LGMN: variants seen among roughly 807,000 people sequenced by gnomAD.
LGMN encodes asparaginyl endopeptidase.
In LGMN, 36 loss-of-function variants were observed where a neutral mutation model predicts 56.8. The observed-to-expected ratio is 0.63, with a 90% CI of 0.49 to 0.84. The LOEUF (loss-of-function observed/expected upper bound fraction) is 0.84. LGMN is among the 40% of genes least tolerant of loss of function. The pLI, the probability that LGMN is intolerant of heterozygous loss-of-function variation, is 0.00. For synonymous variants in LGMN, 199 were observed against 210.1 expected (o/e 0.95, Z 0.46); for missense variants, 446 against 556.1 (o/e 0.80, Z 1.99).
At chr14:92,716,971 A>G (rs527620953) in intron 4 of LGMN, among the ~76,000 whole-genome samples, 1 of 152,296 alleles carries the variant, frequency 6.6e-6, no homozygotes, top group African/African-American at 2.4e-5. Flanking sequence ...AATAAACTAT[A>G]TAACAATAAT....
At chr14:92,740,683 T>G (rs1434005697) in intron 1 of LGMN, among the ~76,000 whole-genome samples, 1 of 152,204 alleles carries the variant, frequency 6.6e-6, no homozygotes, top group African/African-American at 2.4e-5. Flanking sequence ...CGTGCCCTAC[T>G]ATTTTAAGGC....
chr14:92,733,922 G>A (rs933689201), intron 1 of LGMN: 2 of 152,200 alleles, frequency 1.3e-5, no homozygotes, highest in Admixed American at 6.5e-5. Context: ...AGTAGTTATT[G>A]GTAGGTGGTT....
chr14:92,748,526 C>CGGCGGT lies in LGMN; in HGVS notation c.-73_-68dup, dbSNP rs1360833270. 7.0e-5 allele frequency: 11 copies of CGGCGGT among 156,766 alleles called. No homozygotes were observed. In the East Asian group the frequency reaches 1.9e-3, roughly 27 times the overall value. 9.7% of individuals were successfully genotyped at this position (156,766 alleles called of 1,614,324 possible). On this transcript the variant is annotated 5_prime_UTR_variant, in exon 1 of 14. Coordinates refer to ENST00000334869, the MANE Select transcript of LGMN (RefSeq NM_005606.7). ...ACCGTGGTGGCAGTGGTGGCGGCGG[C>CGGCGGT]GGCGGTGAGTGACCGCGGTGGTGGC... is the stretch of plus-strand genomic sequence containing the variant.
intron 2 of LGMN, among the ~76,000 whole-genome samples, chr14:92,727,778 C>G (rs917060278): frequency 6.6e-6 from 1 of 152,286 alleles, no homozygotes; most frequent in Non-Finnish European, 1.5e-5. Flanking sequence ...AGAGACTGCT[C>G]TTTCTCAGCC....
chr14:92,733,346 C>T (rs1891149280), intron 1 of LGMN, among the ~76,000 whole-genome samples: 1 of 152,086 alleles, frequency 6.6e-6, no homozygotes, highest in African/African-American at 2.4e-5. Context: ...CACTACAAGT[C>T]CAAGTCATGC....
In LGMN at chr14:92,732,759, T is replaced by C. The variant is rs1595558211; in HGVS notation, c.28A>G (p.Ser10Gly). MVWKVAVFL[S>G]VALGIGAVPI... Reference sequence around the variant, plus strand: ...ACGGCACCAATGCCCAGGGCCACACTGAGGAATACAGCTACTTTCCAAACC... The same window carrying C: ...ACGGCACCAATGCCCAGGGCCACACCGAGGAATACAGCTACTTTCCAAACC... Residue 10 changes from serine (S) to glycine (G), a missense_variant, in exon 2 of 14, where the codon AGT becomes GGT. Coordinates refer to ENST00000334869, the MANE Select transcript of LGMN (RefSeq NM_005606.7). 1 of 1,613,992 alleles carries C rather than the reference T, an allele frequency of 6.2e-7. No homozygotes were observed. The highest frequency in any genetic ancestry group is 1.3e-5 in the African/African-American group (1 of 74,928).
intron 11 of LGMN, among the ~76,000 whole-genome samples, 200 bp from the exon 12 acceptor site, chr14:92,706,853 C>T (rs1889459210): frequency 6.6e-6 from 1 of 152,096 alleles, no homozygotes; most frequent in Non-Finnish European, 1.5e-5. Context: ...GAAAGACCTG[C>T]CTTTTGGGGA....
chr14:92,727,896 G>A (rs1480641824), intron 2 of LGMN, among the ~76,000 whole-genome samples: 1 of 152,138 alleles, frequency 6.6e-6, no homozygotes, highest in Non-Finnish European at 1.5e-5. Context: ...TGCAAACCAT[G>A]GGCCTCAAGT....
intron 11 of LGMN, among the ~76,000 whole-genome samples, chr14:92,708,790 G>A (rs1439338383): frequency 2.7e-5 from 4 of 145,762 alleles, no homozygotes; most frequent in Non-Finnish European, 6.0e-5. Context: ...CCAGGAGGCG[G>A]AGGTTGCAGT....
At chr14:92,734,068 G>A (rs1024849447) in intron 1 of LGMN, among the ~76,000 whole-genome samples, 6 of 152,206 alleles carry the variant, frequency 3.9e-5, no homozygotes, top group African/African-American at 1.4e-4. Flanking sequence ...TTTATAAGGT[G>A]AACTATCTGG....
At chr14:92,739,220 G>GT (rs1328979524) in intron 1 of LGMN, among the ~76,000 whole-genome samples, 1 of 152,020 alleles carries the variant, frequency 6.6e-6, no homozygotes, top group Non-Finnish European at 1.5e-5. Context: ...CAAAGTCAAG[G>GT]TATCAAAACA....
At chr14:92,706,414 T>G (rs1471786587) in intron 12 of LGMN, 69 bp downstream of exon 12, 9 of 1,314,864 alleles carry the variant, frequency 6.8e-6, no homozygotes, top group Non-Finnish European at 6.1e-6. Flanking sequence ...GTACAACCAA[T>G]GTGACTGCCA....
rs1826140423 is a variant in LGMN, at chr14:92,714,589, G to A, written c.405-138C>T. 1 of 631,232 alleles carries A rather than the reference G, an allele frequency of 1.6e-6. No homozygotes were observed. Among genetic ancestry groups the A allele is most frequent in the Middle Eastern group, 3.9e-4 (1 of 2,592 alleles). 39.1% of individuals were successfully genotyped at this position (631,232 alleles called of 1,614,324 possible). A position where few individuals can be genotyped will look rare whatever the true frequency, so the allele number is the denominator to read the frequency against. ...ACCAGGTTTGAAGATGAACACAAGG[G>A]CCCGGTGCCCGGTGTCTGGCCTGTC... is the stretch of plus-strand genomic sequence containing the variant. On this transcript the variant is annotated intron_variant, in intron 5 of 13. Coordinates refer to ENST00000334869, the MANE Select transcript of LGMN (RefSeq NM_005606.7). This position sits in a 1 kb window ranked among gnomAD's most constrained non-coding sequence, Gnocchi z 5.1.
chr14:92,731,860 G>A (rs1485833309), intron 2 of LGMN, among the ~76,000 whole-genome samples: 1 of 152,158 alleles, frequency 6.6e-6, no homozygotes, highest in Non-Finnish European at 1.5e-5. Context: ...TTTAAATTTT[G>A]AGGAACTGCC....
chr14:92,719,176 A>ACCG (rs1217783363), intron 2 of LGMN, among the ~76,000 whole-genome samples: 1 of 104,168 alleles, frequency 9.6e-6, no homozygotes, highest in African/African-American at 4.6e-5. Flanking sequence ...CACCACCACC[A>ACCG]CCACCATCAC....
rs548811664 is a variant in LGMN, at chr14:92,720,715, C to A, written c.139-1871G>T. ...TTGTGGTAGGCAAAATAACAGCCCCCCAAAGGATGTCCACATCCTAATCCC... is the reference window on the plus strand; with the variant it reads ...TTGTGGTAGGCAAAATAACAGCCCCACAAAGGATGTCCACATCCTAATCCC... On this transcript the variant is annotated intron_variant, in intron 2 of 13. Coordinates refer to ENST00000334869, the MANE Select transcript of LGMN (RefSeq NM_005606.7). Among the ~76,000 whole-genome samples, 4 of 152,234 alleles carry A rather than the reference C, an allele frequency of 2.6e-5. No homozygotes were observed. In the East Asian group the frequency reaches 7.7e-4, roughly 29 times the overall value.
intron 7 of LGMN, 122 bp from the exon 8 acceptor site, chr14:92,712,993 G>A: frequency 1.3e-6 from 1 of 792,432 alleles, no homozygotes; most frequent in East Asian, 2.7e-5. Context: ...TGCTTCTGGA[G>A]ACATTACTGC....
intron 11 of LGMN, 40 bp from the exon 12 acceptor site, chr14:92,706,693 A>T (rs555891086): frequency 1.6e-5 from 25 of 1,517,008 alleles, no homozygotes; most frequent in Non-Finnish European, 2.1e-5. Flanking sequence ...GCCTCCCTGA[A>T]TGCGGTCTCT....
At chr14:92,746,899 G>GCC (rs1891843688) in intron 1 of LGMN, among the ~76,000 whole-genome samples, 1 of 152,168 alleles carries the variant, frequency 6.6e-6, no homozygotes, top group African/African-American at 2.4e-5. Flanking sequence ...AGCCGGGCGT[G>GCC]GTGGCGGGCG....
Sources: gnomAD v4.1 joint callset for allele counts (sites outside exome capture counted in the v4.1 genomes callset) on GRCh38, gnomAD v4.1.1 for gene constraint, Gnocchi (gnomAD v3.1) non-coding constraint, MANE v1.5 for transcripts, NCBI Gene and HGNC (gene_info 2026-07-23, HGNC 2026-07-21) for gene names.